Variants in PRR5 observed in about 807,000 individuals in gnomAD.
PRR5 encodes the protein proline-rich protein 5.
In PRR5, 25 loss-of-function variants were observed where a neutral mutation model predicts 30.6. The observed-to-expected ratio is 0.82, with a 90% confidence interval of 0.60 to 1.14. The LOEUF (loss-of-function observed/expected upper bound fraction) is 1.14, where lower values mean the gene tolerates loss of function less well. Ranked by LOEUF, PRR5 falls within the 50% of genes most tolerant of loss-of-function variation. The pLI, the probability that PRR5 is intolerant of heterozygous loss-of-function variation, is 0.00. For missense variants in PRR5, 600 were observed against 547.1 expected (o/e 1.10, Z -0.96); for synonymous variants, 286 against 247.1 (o/e 1.16, Z -1.48).
chr22:44,695,923 CTTTTT>C (rs79228617), intron 1 of PRR5, among the ~76,000 whole-genome samples: 7 of 73,344 alleles, frequency 9.5e-5, no homozygotes, highest in East Asian at 5.2e-4. Context: ...ATTCTGACAA[CTTTTT>C]TTTTTTTTTT....
intron 6 of PRR5, among the ~76,000 whole-genome samples, chr22:44,733,867 A>G (rs1195482612): frequency 6.6e-6 from 1 of 152,186 alleles, no homozygotes; most frequent in African/African-American, 2.4e-5. Context: ...GCTCACCCCC[A>G]GGGACGTGGC....
At chr22:44,706,258 G>A (rs904504634) in intron 1 of PRR5, among the ~76,000 whole-genome samples, 1 of 152,196 alleles carries the variant, frequency 6.6e-6, no homozygotes, top group Non-Finnish European at 1.5e-5. Context: ...TTGATTGATT[G>A]ATTGATTCAT....
rs1469032745 is a variant in PRR5 at position 44,735,062 on chromosome 22, C to T, written c.591C>T (p.Tyr197=). 1.2e-6 allele frequency: 2 copies of T among 1,612,548 alleles called. No individual in the cohort carries two copies. The highest frequency in any genetic ancestry group is 1.7e-6 in the Non-Finnish European group (2 of 1,179,330). Residue 197 remains tyrosine, a synonymous_variant, in exon 7 of 8, where the codon TAC becomes TAT. Transcript: ENST00000336985. ...AGTCCAGGGGCGTGACTGAGGACTA[C>T]CTGCGCCTGGAGACGCTGGTCCAGA... is the stretch of plus-strand genomic sequence containing the variant. The part of the protein sequence containing the change: ...VHESRGVTED[Y]LRLETLVQKV...
In PRR5 at chr22:44,736,875, G is replaced by A. The variant is rs748724459; in HGVS notation, c.795G>A (p.Glu265=). ...YNTPLLNPVQ[E]HEAEGAAAGG... ...CGCCTCTGCTGAACCCCGTGCAGGA[G>A]CACGAGGCGGAGGGCGCGGCGGCCG... The change falls in exon 8 of 8, where the codon GAG becomes GAA. Residue 265 remains glutamate (E), a synonymous_variant. Transcript: ENST00000336985. 20 of 1,609,690 alleles carry A rather than the reference G, an allele frequency of 1.2e-5. No individual in the cohort carries two copies. The Admixed American group carries it at 3.3e-4, about 27-fold the overall frequency.
At chr22:44,710,405 G>T (rs372757873) in intron 1 of PRR5, among the ~76,000 whole-genome samples, 2 of 152,144 alleles carry the variant, frequency 1.3e-5, no homozygotes, top group Non-Finnish European at 2.9e-5. Flanking sequence ...GGGCTGGGGG[G>T]GCTTCCTAGA....
At chr22:44,719,038 T>G (rs986084708) in intron 2 of PRR5, among the ~76,000 whole-genome samples, 3 of 152,172 alleles carry the variant, frequency 2.0e-5, no homozygotes, top group African/African-American at 2.4e-5. Flanking sequence ...TCCCGTCCTT[T>G]GATCACCTTT....
intron 1 of PRR5, among the ~76,000 whole-genome samples, chr22:44,688,406 A>G (rs755550793): frequency 6.6e-6 from 1 of 152,144 alleles, no homozygotes; most frequent in Non-Finnish European, 1.5e-5. Flanking sequence ...TATTTCCTGC[A>G]ATGTTACTAT....
At chr22:44,729,495 C>T in intron 4 of PRR5, 4 of 985,598 alleles carry the variant, frequency 4.1e-6, no homozygotes, top group Non-Finnish European at 4.8e-6. Context: ...CACACCCGGC[C>T]CCGTCCTGCC....
chr22:44,691,999 T>G lies in PRR5; in HGVS notation c.-10-10493T>G, dbSNP rs932950261. Among the ~76,000 whole-genome samples, 2 of 152,050 alleles carry G rather than the reference T, an allele frequency of 1.3e-5. No individual in the cohort carries two copies. Among genetic ancestry groups the G allele is most frequent in the Non-Finnish European group, 2.9e-5 (2 of 67,996 alleles). On this transcript the variant is annotated intron_variant, in intron 1 of 8. Transcript: ENST00000006251. The surrounding 1 kb of genome is among the most constrained non-coding windows in gnomAD (Gnocchi z 4.4). Reference sequence around the variant, plus strand: ...ACGCGGGCCAAGTTTTGATGGGCTGTTTCCTGCCTCCCTACCCTGCTGGAC... The same window carrying G: ...ACGCGGGCCAAGTTTTGATGGGCTGGTTCCTGCCTCCCTACCCTGCTGGAC...
At position 44,722,576 on chromosome 22, in the gene PRR5, C is replaced by A. The variant is rs1194601087; in HGVS notation, c.216-2668C>A. Among the ~76,000 whole-genome samples the A allele has an allele frequency of 4.6e-5, 7 of 152,322 alleles. No homozygotes were observed. The East Asian group carries it at 1.3e-3, about 29-fold the overall frequency. On this transcript the variant is annotated intron_variant, in intron 2 of 7. Coordinates refer to ENST00000336985, the MANE Select transcript of PRR5 (RefSeq NM_181333.4). ...CCATGGCATGGTGGGGGCAGCCAGCCCTGAACTGGGGTCCAGCCTACAGCT... is the reference window on the plus strand; with the variant it reads ...CCATGGCATGGTGGGGGCAGCCAGCACTGAACTGGGGTCCAGCCTACAGCT...
chr22:44,729,387 C>T, intron 4 of PRR5: 3 of 985,292 alleles, frequency 3.0e-6, no homozygotes, highest in Non-Finnish European at 3.6e-6. Context: ...CAGCGAGAAC[C>T]CCAGAGTGGG....
intron 1 of PRR5, among the ~76,000 whole-genome samples, chr22:44,678,324 C>CTTT (rs113676116): frequency 5.4e-5 from 7 of 130,680 alleles, no homozygotes; most frequent in East Asian, 2.3e-4. Flanking sequence ...TCTGCTGGCT[C>CTTT]TTTTTTTTTT....
At chr22:44,699,922 G>A (rs1265810688), upstream of PRR5, among the ~76,000 whole-genome samples, 3 of 79,658 alleles carry the variant, frequency 3.8e-5, no homozygotes, top group African/African-American at 5.0e-5. Context: ...TATGTTTTTT[G>A]TTGTTGTTTT....
chr22:44,684,651 G>C (rs1187370567), intron 1 of PRR5, among the ~76,000 whole-genome samples: 1 of 152,252 alleles, frequency 6.6e-6, no homozygotes, highest in Non-Finnish European at 1.5e-5. Context: ...GTGCTGCCTG[G>C]TGTTGCCCAG....
At chr22:44,717,195 T>TC (rs1194387624) in intron 2 of PRR5, among the ~76,000 whole-genome samples, 1 of 148,346 alleles carries the variant, frequency 6.7e-6, no homozygotes, top group Admixed American at 6.7e-5. Flanking sequence ...TACCCTTTTT[T>TC]TTTTTTTTTT....
At chr22:44,715,570 G>A (rs1474161420) in intron 2 of PRR5, among the ~76,000 whole-genome samples, 1 of 152,122 alleles carries the variant, frequency 6.6e-6, no homozygotes, top group Non-Finnish European at 1.5e-5. Context: ...ACCCCTGGGT[G>A]GGGCTCTGGG....
intron 4 of PRR5, chr22:44,730,087 C>T: frequency 1.0e-6 from 1 of 985,436 alleles, no homozygotes; most frequent in South Asian, 4.7e-5. Context: ...CCAGCTCGGC[C>T]CCAGCCCCCA....
intron 1 of PRR5, among the ~76,000 whole-genome samples, chr22:44,685,682 C>T (rs1377399238): frequency 6.6e-6 from 1 of 152,128 alleles, no homozygotes; most frequent in Non-Finnish European, 1.5e-5. Flanking sequence ...CACCGTGACT[C>T]TGCCAGGCGT....
chr22:44,719,135 A>G (rs1929548788), intron 2 of PRR5, among the ~76,000 whole-genome samples: 1 of 151,078 alleles, frequency 6.6e-6, no homozygotes, highest in Non-Finnish European at 1.5e-5. Flanking sequence ...GCTGAAGAGC[A>G]GTGGCATGAA....
Sources: gnomAD v4.1 joint callset for allele counts (sites outside exome capture counted in the v4.1 genomes callset) on GRCh38, gnomAD v4.1.1 for gene constraint, Gnocchi (gnomAD v3.1) non-coding constraint, MANE v1.5 for transcripts, NCBI Gene and HGNC (gene_info 2026-07-23, HGNC 2026-07-21) for gene names.